Variants in BMP2K observed in about 807,000 individuals in gnomAD.
BMP2K encodes the protein BMP-2-inducible protein kinase.
In BMP2K, 74 loss-of-function variants were observed where a neutral mutation model predicts 116.0. The ratio of observed to expected loss-of-function variants is 0.64; its 90% CI spans 0.53 to 0.77. BMP2K has a LOEUF of 0.77. Among genes scored for constraint, BMP2K ranks in the 30% least tolerant of loss-of-function variants. The pLI, the probability that BMP2K is intolerant of heterozygous loss-of-function variation, is 0.00. For missense variants in BMP2K, 1,365 were observed against 1,403.6 expected (o/e 0.97, Z 0.44); for synonymous variants, 486 against 502.5 (o/e 0.97, Z 0.44).
chr4:78,854,192 G>T (rs1219764541), intron 7 of BMP2K, among the ~76,000 whole-genome samples: 8 of 146,618 alleles, frequency 5.5e-5, no homozygotes, highest in African/African-American at 2.0e-4. Context: ...AAACTTTAGG[G>T]TCTTCTCACT....
chr4:78,828,835 T>G (rs939199421), intron 2 of BMP2K, among the ~76,000 whole-genome samples: 1 of 152,222 alleles, frequency 6.6e-6, no homozygotes, highest in South Asian at 2.1e-4. Context: ...GTCTTGTTGC[T>G]GGTAGAGGGT....
chr4:78,882,063 A>T (rs1732901249), intron 14 of BMP2K, among the ~76,000 whole-genome samples: 1 of 152,052 alleles, frequency 6.6e-6, no homozygotes, highest in Non-Finnish European at 1.5e-5. Flanking sequence ...TATTCAGAAT[A>T]ATACATTCCC....
chr4:78,850,812 AG>A, intron 6 of BMP2K, 111 bp from the exon 7 acceptor site: 1 of 976,946 alleles, frequency 1.0e-6, no homozygotes, highest in Non-Finnish European at 1.5e-6. Context: ...ATTTGTAAAA[AG>A]ATTGCTGCAG....
intron 2 of BMP2K, among the ~76,000 whole-genome samples, chr4:78,832,993 C>T (rs1730282630): frequency 6.6e-6 from 1 of 152,002 alleles, no homozygotes; most frequent in African/African-American, 2.4e-5. Context: ...CCTCATTGTA[C>T]GCTGATGACT....
rs1734757323 is a variant in BMP2K at position 78,913,184 on chromosome 4, C to G, written c.*1151C>G. 6.6e-6 allele frequency: 1 copy of G among 152,096 alleles called. No individual in the cohort carries two copies. The highest frequency in any genetic ancestry group is 1.5e-5 in the Non-Finnish European group (1 of 68,000). 9.4% of individuals were successfully genotyped at this position (152,096 alleles called of 1,614,324 possible). A position where few individuals can be genotyped will look rare whatever the true frequency, so the allele number is the denominator to read the frequency against. On this transcript the variant is annotated 3_prime_UTR_variant, in exon 16 of 16. Transcript: ENST00000502613. ...AAAGTGCACAGAATGGTGACACCCACAAAGCCTTATATAAAGGCAGGATTC... is the reference window on the plus strand; with the variant it reads ...AAAGTGCACAGAATGGTGACACCCAGAAAGCCTTATATAAAGGCAGGATTC...
chr4:78,776,871 G>C (rs1422307380), intron 1 of BMP2K, 150 bp downstream of exon 1: 1 of 784,216 alleles, frequency 1.3e-6, no homozygotes, highest in Non-Finnish European at 1.7e-6. Flanking sequence ...GAGTGGCTCG[G>C]GCTTTCTCTC....
chr4:78,821,744 C>A (rs1407466072), intron 1 of BMP2K, among the ~76,000 whole-genome samples: 1 of 152,084 alleles, frequency 6.6e-6, no homozygotes, highest in Non-Finnish European at 1.5e-5. Flanking sequence ...AATTTCTACT[C>A]CTTTGGGTAC....
chr4:78,871,930 A>G lies in BMP2K; in HGVS notation c.1590A>G (p.Ala530=). 4 of 1,608,668 alleles carry G rather than the reference A, an allele frequency of 2.5e-6. No individual in the cohort carries two copies. The highest frequency in any genetic ancestry group is 2.5e-6 in the Non-Finnish European group (3 of 1,176,550). ...CGGTATATCAACCACAACCTTCTGCATCACAGTATCCTACAATGGTAACTT... is the reference window on the plus strand; with the variant it reads ...CGGTATATCAACCACAACCTTCTGCGTCACAGTATCCTACAATGGTAACTT... The part of the protein sequence containing the change: ...MHSVYQPQPS[A]SQYPTMMPQY... The change falls in exon 12 of 16, where the codon GCA becomes GCG. Residue 530 remains alanine, a synonymous_variant. Coordinates refer to ENST00000502613, the MANE Select transcript of BMP2K (RefSeq NM_198892.2).
In BMP2K at chr4:78,776,381, G is replaced by C. The variant is rs1560494154; in HGVS notation, c.-163G>C. On this transcript the variant is annotated 5_prime_UTR_variant, in exon 1 of 16. Coordinates refer to ENST00000502613, the MANE Select transcript of BMP2K (RefSeq NM_198892.2). Reference sequence around the variant, plus strand: ...AGCGGAGCCGCGGAGCGGGCGGCGGGGCCCAGGCTGTGCGCTTGGGGAGCG... The same window carrying C: ...AGCGGAGCCGCGGAGCGGGCGGCGGCGCCCAGGCTGTGCGCTTGGGGAGCG... 1 of 649,372 alleles carries C rather than the reference G, an allele frequency of 1.5e-6. No homozygotes were observed. The highest frequency in any genetic ancestry group is 2.0e-6 in the Non-Finnish European group (1 of 503,326). The allele number at this position is 649,372 out of a possible 1,614,324, so 40.2% of individuals were successfully genotyped here. A position where few individuals can be genotyped will look rare whatever the true frequency, so the allele number is the denominator to read the frequency against.
chr4:78,889,862 A>G (rs1019950904), intron 15 of BMP2K, among the ~76,000 whole-genome samples: 1 of 152,256 alleles, frequency 6.6e-6, no homozygotes, highest in Non-Finnish European at 1.5e-5. Context: ...GCTACTTGAG[A>G]ATAAAATGAA....
At chr4:78,869,137 A>G (rs1337934573) in intron 10 of BMP2K, among the ~76,000 whole-genome samples, 2 of 152,144 alleles carry the variant, frequency 1.3e-5, no homozygotes, top group Non-Finnish European at 2.9e-5. Context: ...AGGCATTTCC[A>G]TGTATCTTCC....
In BMP2K at chr4:78,859,814, G is replaced by T; in HGVS notation, c.987+127G>T. On this transcript the variant is annotated intron_variant, in intron 8 of 15. Coordinates refer to ENST00000502613, the MANE Select transcript of BMP2K (RefSeq NM_198892.2). The stretch of plus-strand genomic sequence containing the variant: ...CTCAGAGTTTCTTGTTTCATGACAA[G>T]TGATCTGATTGTGTGTTTGATATTT... 2 of 653,740 alleles carry T rather than the reference G, an allele frequency of 3.1e-6. 1 individual carries two copies. Among genetic ancestry groups the T allele is most frequent in the South Asian group, 4.0e-5 (2 of 50,436 alleles). The allele number at this position is 653,740 out of a possible 1,614,324, so 40.5% of individuals were successfully genotyped here.
intron 15 of BMP2K, among the ~76,000 whole-genome samples, chr4:78,905,114 G>A (rs1577980398): frequency 6.6e-6 from 1 of 151,444 alleles, no homozygotes; most frequent in East Asian, 1.9e-4. Context: ...ATTCTTAGTT[G>A]GGGAACAGCA....
intron 13 of BMP2K, among the ~76,000 whole-genome samples, chr4:78,877,989 A>C (rs1732711862): frequency 6.6e-6 from 1 of 152,168 alleles, no homozygotes. Context: ...GTACACAGGG[A>C]TTCTTGGGTT....
At chr4:78,827,115 A>C (rs923065424) in intron 2 of BMP2K, among the ~76,000 whole-genome samples, 2 of 152,290 alleles carry the variant, frequency 1.3e-5, no homozygotes, top group African/African-American at 4.8e-5. Context: ...CTTCTATATC[A>C]AACTATTACT....
intron 1 of BMP2K, among the ~76,000 whole-genome samples, chr4:78,784,888 C>A (rs72862505): frequency 6.6e-6 from 1 of 152,082 alleles, no homozygotes; most frequent in African/African-American, 2.4e-5. Flanking sequence ...ACATCTTTTT[C>A]CATTTTAGTA....
chr4:78,819,628 T>C (rs1052679270), intron 1 of BMP2K, among the ~76,000 whole-genome samples: 7 of 152,208 alleles, frequency 4.6e-5, no homozygotes, highest in Non-Finnish European at 1.0e-4. Context: ...TTAATTTGCA[T>C]TTGGTCACAC....
Position 78,826,134 on chromosome 4 carries a change from T to C in BMP2K, c.276T>C (p.Cys92=). ...YVNNMPDLNV[C]KREITIMKEL... Reference sequence around the variant, plus strand: ...ATAACATGCCAGACCTCAATGTTTGTAAAAGGGAAATTACAATTATGGTAA... The same window carrying C: ...ATAACATGCCAGACCTCAATGTTTGCAAAAGGGAAATTACAATTATGGTAA... Residue 92 remains cysteine (C), a synonymous_variant, in exon 2 of 16, where the codon TGT becomes TGC. Transcript: ENST00000502613. 1.2e-6 allele frequency: 2 copies of C among 1,613,130 alleles called. No homozygotes were observed. The highest frequency in any genetic ancestry group is 2.2e-5 in the East Asian group (1 of 44,884).
chr4:78,815,445 G>A (rs1416373224), intron 1 of BMP2K, among the ~76,000 whole-genome samples: 2 of 152,110 alleles, frequency 1.3e-5, no homozygotes, highest in Non-Finnish European at 2.9e-5. Context: ...GAAGAGAGAT[G>A]ATAGCCTAAT....
Sources: allele counts gnomAD v4.1 joint callset (sites outside exome capture counted in the v4.1 genomes callset), GRCh38; gene constraint gnomAD v4.1.1; transcripts MANE v1.5; gene names NCBI Gene and HGNC (gene_info 2026-07-23, HGNC 2026-07-21).